HDAC4: variants seen among roughly 807,000 people sequenced by gnomAD.
The protein encoded by HDAC4 is histone deacetylase 4.
A neutral mutation model predicts 135.1 loss-of-function variants in HDAC4; 16 were observed. The observed-to-expected ratio is 0.12, with a 90% confidence interval of 0.08 to 0.18. HDAC4 has a LOEUF of 0.18. Ranked by LOEUF, HDAC4 falls within the 10% of genes least tolerant of loss-of-function variation. The pLI is 1.00. For synonymous variants in HDAC4, 685 were observed against 653.4 expected, an observed-to-expected ratio of 1.05 and a Z score of -0.74; for missense variants, 1,143 against 1,511.8, an observed-to-expected ratio of 0.76 and a Z score of 4.05.
chr2:239,363,399 T>C (rs765859335), intron 1 of HDAC4, among the ~76,000 whole-genome samples: 5 of 152,220 alleles, frequency 3.3e-5, no homozygotes, highest in African/African-American at 4.8e-5. Context: ...TCTAAACTTG[T>C]GTAATTAAAG....
chr2:239,064,921 C>T (rs2033270618), intron 24 of HDAC4, among the ~76,000 whole-genome samples: 1 of 152,232 alleles, frequency 6.6e-6, no homozygotes, highest in South Asian at 2.1e-4. Context: ...AGAGTGGACC[C>T]TCCCTCTGCA....
At chr2:239,290,653 ACATGCGCGCACG>A (rs1415235239) in intron 2 of HDAC4, among the ~76,000 whole-genome samples, 1 of 152,070 alleles carries the variant, frequency 6.6e-6, no homozygotes. Context: ...ACACAACCAC[ACATGCGCGCACG>A]CATGCATTCA....
intron 2 of HDAC4, among the ~76,000 whole-genome samples, chr2:239,314,898 C>T (rs1309216588): frequency 6.6e-6 from 1 of 152,148 alleles, no homozygotes; most frequent in Admixed American, 6.5e-5. Flanking sequence ...TAGTTCAGGT[C>T]GTGATGGGGA....
chr2:239,081,551 C>T (rs118015445), intron 21 of HDAC4, among the ~76,000 whole-genome samples: 80 of 152,330 alleles, frequency 5.3e-4, no homozygotes, highest in East Asian at 2.9e-3. Context: ...AAAGTGTCTC[C>T]GATGAGCCTG....
intron 2 of HDAC4, among the ~76,000 whole-genome samples, chr2:239,323,249 C>G (rs576006692): frequency 6.6e-6 from 1 of 152,198 alleles, no homozygotes; most frequent in East Asian, 1.9e-4. Flanking sequence ...CAGGTATGGA[C>G]ATGGGGAGAC....
chr2:239,161,779 G>T, intron 6 of HDAC4: 1 of 425,982 alleles, frequency 2.3e-6, no homozygotes. Flanking sequence ...GGAGTTCCAG[G>T]AAAAGTCAGT....
chr2:239,163,804 C>T lies in HDAC4; in HGVS notation c.610G>A (p.Gly204Arg), dbSNP rs768071233. 6.2e-6 allele frequency: 10 copies of T among 1,614,140 alleles called. No individual in the cohort carries two copies. The highest frequency in any genetic ancestry group is 3.3e-5 in the South Asian group (3 of 91,082). The change falls in exon 6 of 27, where the codon GGG becomes AGG. Residue 204 changes from glycine to arginine, a missense_variant and splice_region_variant. Gly to Arg is a moderately radical substitution (Grantham distance 125). This residue lies in a region of HDAC4 where 247 missense variants were observed against 310.0 expected (regional missense o/e 0.80). Coordinates refer to ENST00000543185, the MANE Select transcript of HDAC4 (RefSeq NM_001378414.1). ...CISSDPRYWY[G>R]KTQHSSLDQS... Reference sequence around the variant, plus strand: ...GGTGCTCCCCACACCCACACTTACCCGTACCAGTAGCGAGGGTCGCTGGAA... The same window carrying T: ...GGTGCTCCCCACACCCACACTTACCTGTACCAGTAGCGAGGGTCGCTGGAA...
chr2:239,369,196 A>T (rs781729462), intron 1 of HDAC4, among the ~76,000 whole-genome samples: 2 of 152,214 alleles, frequency 1.3e-5, no homozygotes, highest in Non-Finnish European at 2.9e-5. Flanking sequence ...GCGGGAAGGA[A>T]GACAGCAGCA....
intron 3 of HDAC4, among the ~76,000 whole-genome samples, chr2:239,212,567 AC>A (rs1334310927): frequency 6.6e-6 from 1 of 152,130 alleles, no homozygotes; most frequent in Non-Finnish European, 1.5e-5. Flanking sequence ...AGAGCATGTG[AC>A]CCCTCATCCC....
At position 239,190,017 on chromosome 2, in the gene HDAC4, C is replaced by T. The variant is rs777568201; in HGVS notation, c.155G>A (p.Arg52His). ...AGGCAGTGAGAACTGGTGGTCCAGG[C>T]GCAGGTCCATGGGCACTGCCGAGGG... ...VAPSAVPMDL[R>H]LDHQFSLPVA... The change falls in exon 4 of 27, where the codon CGC becomes CAC. Residue 52 changes from arginine to histidine, a missense_variant. Coordinates refer to ENST00000543185, the MANE Select transcript of HDAC4 (RefSeq NM_001378414.1). 2.6e-4 allele frequency: 416 copies of T among 1,605,134 alleles called. No individual in the cohort carries two copies. Among genetic ancestry groups the T allele is most frequent in the Non-Finnish European group, 3.3e-4 (393 of 1,179,854 alleles).
At position 239,052,727 on chromosome 2, in the gene HDAC4, A is replaced by ATTTG. The variant is rs1323423738; in HGVS notation, c.*366_*369dup. Reference sequence around the variant, plus strand: ...TGTTTTGTATTATTAGATCTTTGATATTTGTTTTCTGTGCCTCGTGTCAAC... The same window carrying ATTTG: ...TGTTTTGTATTATTAGATCTTTGATATTTGTTTGTTTTCTGTGCCTCGTGTCAAC... On this transcript the variant is annotated 3_prime_UTR_variant, in exon 27 of 27. Transcript: ENST00000543185. 2 of 310,706 alleles carry ATTTG rather than the reference A, an allele frequency of 6.4e-6. No homozygotes were observed. The highest frequency in any genetic ancestry group is 1.2e-5 in the Non-Finnish European group (2 of 163,500). 19.2% of individuals were successfully genotyped at this position (310,706 alleles called of 1,614,324 possible).
In HDAC4 at chr2:239,068,584, C is replaced by T. The variant is rs1202303060; in HGVS notation, c.2774G>A (p.Ser925Asn). The T allele has an allele frequency of 1.7e-5, 28 of 1,613,966 alleles. No homozygotes were observed. Among genetic ancestry groups the T allele is most frequent in the Non-Finnish European group, 2.3e-5 (27 of 1,180,012 alleles). The change falls in exon 23 of 27, where the codon AGC becomes AAC. Residue 925 changes from serine (S) to asparagine (N), a missense_variant. Ser to Asn is a conservative substitution (Grantham distance 46). Transcript: ENST00000543185. The surrounding 1 kb of genome is among the most constrained non-coding windows in gnomAD (Gnocchi z 4.4). ...AFRTVVMPIA[S>N]EFAPDVVLVS... ...CAGCACCACATCCGGGGCAAACTCGCTGGCGATCGGCATGACCACCGTTCT... is the reference window on the plus strand; with the variant it reads ...CAGCACCACATCCGGGGCAAACTCGTTGGCGATCGGCATGACCACCGTTCT...
chr2:239,194,135 G>A (rs896831898), intron 3 of HDAC4, among the ~76,000 whole-genome samples: 6 of 152,156 alleles, frequency 3.9e-5, no homozygotes, highest in African/African-American at 9.7e-5. Context: ...GAGGAGATGC[G>A]CTCACTTGGA....
At chr2:239,189,738 G>T in intron 4 of HDAC4, 95 bp downstream of exon 4, 1 of 1,290,622 alleles carries the variant, frequency 7.7e-7, no homozygotes, top group Non-Finnish European at 1.1e-6. Context: ...ATCATGCCTG[G>T]GGCCCCAGCA....
intron 21 of HDAC4, among the ~76,000 whole-genome samples, chr2:239,081,605 G>A (rs1381098787): frequency 1.3e-5 from 2 of 152,224 alleles, no homozygotes; most frequent in East Asian, 1.9e-4. Context: ...AGAGGCAGAC[G>A]GAGCGTCTTC....
chr2:239,394,232 CG>C (rs1176914506), intron 1 of HDAC4, among the ~76,000 whole-genome samples: 1 of 152,186 alleles, frequency 6.6e-6, no homozygotes, highest in Non-Finnish European at 1.5e-5. Flanking sequence ...CTCACACAGA[CG>C]GAGTACTTCA....
At chr2:239,281,728 C>T (rs544009629) in intron 2 of HDAC4, among the ~76,000 whole-genome samples, 1 of 151,024 alleles carries the variant, frequency 6.6e-6, no homozygotes, top group South Asian at 2.1e-4. Flanking sequence ...ACAATGAACA[C>T]ACCACTCTAC....
intron 1 of HDAC4, among the ~76,000 whole-genome samples, chr2:239,357,834 A>G (rs1006886707): frequency 7.0e-6 from 1 of 142,850 alleles, no homozygotes; most frequent in Non-Finnish European, 1.5e-5. Context: ...GGCTGCAGTG[A>G]GCCAAAATCA....
chr2:239,334,670 A>G (rs1575708675), intron 2 of HDAC4, among the ~76,000 whole-genome samples: 1 of 152,246 alleles, frequency 6.6e-6, no homozygotes, highest in East Asian at 1.9e-4. Flanking sequence ...TATGCAAATC[A>G]GTGGATCCCA....
Sources: gnomAD v4.1 joint callset for allele counts (sites outside exome capture counted in the v4.1 genomes callset) on GRCh38, gnomAD v4.1.1 for gene constraint, gnomAD v4.1.1 regional missense constraint, Gnocchi (gnomAD v3.1) non-coding constraint, MANE v1.5 for transcripts, NCBI Gene and HGNC (gene_info 2026-07-23, HGNC 2026-07-21) for gene names.